POTEJ: variants seen among roughly 807,000 people sequenced by gnomAD.
POTEJ encodes POTE ankyrin domain family member J, also known as POTE ankyrin domain family, member J.
Under a neutral mutation model 69.0 loss-of-function variants are expected in POTEJ, and 11 were observed. The ratio of observed to expected loss-of-function variants is 0.16; its 90% CI spans 0.10 to 0.26. The LOEUF (loss-of-function observed/expected upper bound fraction) is 0.26, where lower values mean the gene tolerates loss of function less well. Among genes scored for constraint, POTEJ ranks in the 10% least tolerant of loss-of-function variants. The pLI, the probability that POTEJ is intolerant of heterozygous loss-of-function variation, is 1.00. For missense variants in POTEJ, 327 were observed against 1,045.5 expected (o/e 0.31, Z 9.48); for synonymous variants, 117 against 381.1 (o/e 0.31, Z 8.07).
chr2:130,613,007 A>T (rs1472956774), intron 1 of POTEJ, among the ~76,000 whole-genome samples: 3 of 136,340 alleles, frequency 2.2e-5, no homozygotes, highest in African/African-American at 8.3e-5. Context: ...AATAGAACAG[A>T]ATAGGAAATT....
intron 6 of POTEJ, 119 bp downstream of exon 6, chr2:130,624,253 G>A: frequency 3.4e-6 from 2 of 582,960 alleles, no homozygotes; most frequent in East Asian, 6.0e-5. Flanking sequence ...ATGGTTTCAG[G>A]ATTATTCAAT....
At chr2:130,615,803 T>C (rs1351752974) in intron 1 of POTEJ, among the ~76,000 whole-genome samples, 1 of 145,502 alleles carries the variant, frequency 6.9e-6, no homozygotes, top group Admixed American at 6.7e-5. Flanking sequence ...ATAAATCCAT[T>C]TTAAAACAAC....
At chr2:130,614,156 CA>C (rs1330424687) in intron 1 of POTEJ, among the ~76,000 whole-genome samples, 2 of 75,652 alleles carry the variant, frequency 2.6e-5, no homozygotes, top group African/African-American at 1.2e-4. Context: ...GACTCCATCT[CA>C]AAAAAAAAAG....
chr2:130,637,478 A>G (rs1185867060), intron 9 of POTEJ, among the ~76,000 whole-genome samples: 6 of 151,002 alleles, frequency 4.0e-5, no homozygotes, highest in Non-Finnish European at 8.9e-5. Context: ...TTTTTGAAGC[A>G]TTCTATATTT....
chr2:130,638,292 A>G (rs1173795023), intron 9 of POTEJ, among the ~76,000 whole-genome samples: 1 of 151,752 alleles, frequency 6.6e-6, no homozygotes, highest in Non-Finnish European at 1.5e-5. Flanking sequence ...GCCTAAGAGA[A>G]GCAGCTTGTT....
At chr2:130,647,175 T>C (rs552469611) in intron 13 of POTEJ, among the ~76,000 whole-genome samples, 19 of 151,202 alleles carry the variant, frequency 1.3e-4, no homozygotes, top group African/African-American at 4.0e-4. Flanking sequence ...GTATACTGAT[T>C]ATTTCACAAT....
intron 13 of POTEJ, among the ~76,000 whole-genome samples, chr2:130,652,982 T>C (rs1402325889): frequency 7.0e-6 from 1 of 141,874 alleles, no homozygotes; most frequent in Non-Finnish European, 1.6e-5. Context: ...AGCATCATAA[T>C]TTTCAAAATT....
At chr2:130,623,714 A>C (rs879808349) in intron 5 of POTEJ, among the ~76,000 whole-genome samples, 13 of 136,562 alleles carry the variant, frequency 9.5e-5, no homozygotes, top group Non-Finnish European at 2.0e-4. Context: ...CACTTTGTTG[A>C]AGAAGACATT....
Position 130,624,005 on chromosome 2 carries a change from G to A in POTEJ, c.945-59G>A, listed in dbSNP as rs1296471430. 8.7e-6 allele frequency: 13 copies of A among 1,490,292 alleles called. 2 individuals are homozygous for A. The highest frequency in any genetic ancestry group is 1.2e-5 in the Non-Finnish European group (13 of 1,101,774). 92.3% of individuals were successfully genotyped at this position (1,490,292 alleles called of 1,614,324 possible). On this transcript the variant is annotated intron_variant, in intron 5 of 14. Transcript: ENST00000409602. ...AATACTCTTAATAATTCTGCATTTG[G>A]TAAGATTTTTATATCAGTATTAAAA...
At chr2:130,639,157 C>G (rs1389313639) in intron 10 of POTEJ, among the ~76,000 whole-genome samples, 3 of 152,428 alleles carry the variant, frequency 2.0e-5, no homozygotes, top group South Asian at 2.1e-4. Context: ...GCTTCCCTGG[C>G]TTGCCTGCTG....
chr2:130,657,591 C>T lies in POTEJ; in HGVS notation c.2831C>T (p.Ser944Phe). Residue 944 changes from serine (S) to phenylalanine (F), a missense_variant, in exon 15 of 15, where the codon TCC becomes TTC. By Grantham distance (155) the Ser-to-Phe change is radical. Transcript: ENST00000409602. ...GGCATCCATGAAACTACCTTCAACT[C>T]CATCATGAAGTCTGATGTGGACATC... ...SCGIHETTFNSIMKSDVDIRK... is the reference protein window; with the variant it reads ...SCGIHETTFNFIMKSDVDIRK... 6.5e-7 allele frequency: 1 copy of T among 1,541,688 alleles called. No homozygotes were observed. Among genetic ancestry groups the T allele is most frequent in the Non-Finnish European group, 8.8e-7 (1 of 1,133,988 alleles).
In POTEJ at chr2:130,648,027, G is replaced by C. The variant is rs540516609; in HGVS notation, c.1667+1717G>C. Among the ~76,000 whole-genome samples the C allele has an allele frequency of 6.8e-5, 10 of 147,304 alleles. 1 individual carries two copies. The highest frequency in any genetic ancestry group is 2.3e-4 in the African/African-American group (9 of 39,934). On this transcript the variant is annotated intron_variant, in intron 13 of 14. Coordinates refer to ENST00000409602, the MANE Select transcript of POTEJ (RefSeq NM_001277083.2). ...TTCTCCCACTTTATTCCTGTTAATA[G>C]AACTCAGTATTTTACTGTGATCAAT...
chr2:130,636,269 G>T (rs1423243584), intron 9 of POTEJ, among the ~76,000 whole-genome samples: 20 of 152,312 alleles, frequency 1.3e-4, no homozygotes, highest in Admixed American at 7.2e-4. Flanking sequence ...TTCTGAGGAA[G>T]AACCGTGTAC....
At chr2:130,624,361 C>T (rs1216076911) in intron 6 of POTEJ, among the ~76,000 whole-genome samples, 5 of 141,150 alleles carry the variant, frequency 3.5e-5, no homozygotes, top group African/African-American at 1.5e-4. Context: ...CGTGGAAGCT[C>T]TGAACTAATT....
chr2:130,655,230 C>T (rs1384766852), intron 14 of POTEJ, among the ~76,000 whole-genome samples, 189 bp downstream of exon 14: 4 of 152,050 alleles, frequency 2.6e-5, no homozygotes, highest in Admixed American at 6.5e-5. Flanking sequence ...TTGCCTGCAA[C>T]AGTTGAGTAG....
intron 10 of POTEJ, among the ~76,000 whole-genome samples, chr2:130,639,794 C>T (rs1686274500): frequency 6.6e-6 from 1 of 150,700 alleles, no homozygotes; most frequent in East Asian, 1.9e-4. Context: ...GGTTTTTCAA[C>T]AGAATTTACA....
At chr2:130,636,770 A>G (rs531500443) in intron 9 of POTEJ, among the ~76,000 whole-genome samples, 5 of 148,232 alleles carry the variant, frequency 3.4e-5, no homozygotes, top group African/African-American at 7.4e-5. Flanking sequence ...TATCCTGTGT[A>G]TATTGTTTGA....
chr2:130,635,165 C>CT (rs1305615727), intron 9 of POTEJ, among the ~76,000 whole-genome samples: 1 of 129,458 alleles, frequency 7.7e-6, no homozygotes, highest in East Asian at 2.2e-4. Flanking sequence ...TTTCTCCTGA[C>CT]TTTTTCTTTT....
At chr2:130,623,830 A>T (rs1685610808) in intron 5 of POTEJ, among the ~76,000 whole-genome samples, 1 of 131,246 alleles carries the variant, frequency 7.6e-6, no homozygotes, top group Admixed American at 7.4e-5. Context: ...AATGCTAGCT[A>T]ATTTACTGGG....
Sources: allele counts gnomAD v4.1 joint callset (sites outside exome capture counted in the v4.1 genomes callset), GRCh38; gene constraint gnomAD v4.1.1; transcripts MANE v1.5; gene names NCBI Gene and HGNC (gene_info 2026-07-23, HGNC 2026-07-21).